TTLL9: variants seen among roughly 807,000 people sequenced by gnomAD.
TTLL9 encodes the protein probable tubulin polyglutamylase TTLL9.
In TTLL9, 47 loss-of-function variants were observed where a neutral mutation model predicts 65.6. The ratio of observed to expected loss-of-function variants is 0.72; its 90% CI spans 0.57 to 0.91. The LOEUF (loss-of-function observed/expected upper bound fraction) is 0.91, where lower values mean the gene tolerates loss of function less well. Ranked by LOEUF, TTLL9 falls within the 40% of genes least tolerant of loss-of-function variation. The probability of loss-of-function intolerance (pLI) is 0.00; values close to 1 mark genes in which losing one functional copy is unlikely to be tolerated. For synonymous variants in TTLL9, 179 were observed against 204.8 expected, an observed-to-expected ratio of 0.87 and a Z score of 1.07; for missense variants, 537 against 568.8, an observed-to-expected ratio of 0.94 and a Z score of 0.57.
chr20:31,923,262 G>T (rs1454091888), intron 8 of TTLL9, among the ~76,000 whole-genome samples: 45 of 152,238 alleles, frequency 3.0e-4, no homozygotes, highest in Non-Finnish European at 5.9e-5. Context: ...TCCCTTCTTG[G>T]TTCAGAAAAA....
chr20:31,916,958 C>G (rs1354506928), intron 6 of TTLL9, among the ~76,000 whole-genome samples: 1 of 152,088 alleles, frequency 6.6e-6, no homozygotes, highest in Non-Finnish European at 1.5e-5. Context: ...TCTAGCCTCC[C>G]TCATGAGAGG....
At chr20:31,921,938 G>A (rs375080854) in intron 7 of TTLL9, among the ~76,000 whole-genome samples, 93 of 151,274 alleles carry the variant, frequency 6.1e-4, no homozygotes, top group South Asian at 4.0e-3. Context: ...AAAACTGCAC[G>A]TTGTGCACAT....
chr20:31,896,517 A>G (rs2063391182), intron 3 of TTLL9, among the ~76,000 whole-genome samples: 1 of 151,614 alleles, frequency 6.6e-6, no homozygotes, highest in Admixed American at 6.6e-5. Context: ...GACTGATTAC[A>G]TTGTTTTTTT....
chr20:31,883,120 T>A (rs2063141387), intron 2 of TTLL9, among the ~76,000 whole-genome samples: 1 of 152,054 alleles, frequency 6.6e-6, no homozygotes, highest in Admixed American at 6.5e-5. Flanking sequence ...TAGAACCAAT[T>A]TACCCTTCAG....
chr20:31,924,674 C>T (rs2063867792), intron 8 of TTLL9, among the ~76,000 whole-genome samples: 1 of 152,122 alleles, frequency 6.6e-6, no homozygotes, highest in Non-Finnish European at 1.5e-5. Flanking sequence ...GCCTCCATCT[C>T]CTGGGCTCAA....
intron 7 of TTLL9, among the ~76,000 whole-genome samples, chr20:31,922,160 G>A (rs571671525): frequency 1.8e-4 from 27 of 151,932 alleles, no homozygotes; most frequent in Non-Finnish European, 2.9e-4. Context: ...AGCTACTTAG[G>A]AGGCTGAGGC....
intron 3 of TTLL9, among the ~76,000 whole-genome samples, chr20:31,898,260 A>G (rs1488715448): frequency 6.6e-6 from 1 of 152,190 alleles, no homozygotes; most frequent in Non-Finnish European, 1.5e-5. Context: ...GTAGGCTTGG[A>G]TACAATGATC....
intron 2 of TTLL9, among the ~76,000 whole-genome samples, chr20:31,885,050 T>A (rs959737818): frequency 4.3e-4 from 65 of 152,276 alleles, no homozygotes; most frequent in South Asian, 1.0e-3. Context: ...TAGAAAAAAA[T>A]TTTTAAAAGA....
chr20:31,882,913 CACACA>C (rs2063138936), intron 2 of TTLL9, among the ~76,000 whole-genome samples: 1 of 152,084 alleles, frequency 6.6e-6, no homozygotes, highest in Non-Finnish European at 1.5e-5. Context: ...CTAACACACA[CACACA>C]AAAAGGAAAA....
At chr20:31,874,029 C>A (rs2063004352) in intron 2 of TTLL9, among the ~76,000 whole-genome samples, 1 of 152,176 alleles carries the variant, frequency 6.6e-6, no homozygotes, top group Admixed American at 6.5e-5. Flanking sequence ...TGTGTTCCCA[C>A]TGAGTGCTAA....
At chr20:31,919,764 G>A in intron 6 of TTLL9, 100 bp from the exon 7 acceptor site, 1 of 988,094 alleles carries the variant, frequency 1.0e-6, no homozygotes, top group East Asian at 2.9e-5. Context: ...GGTTCATAAG[G>A]AAAAAGAGAC....
At chr20:31,938,040 C>T (rs1374874976) in intron 13 of TTLL9, 3 of 399,350 alleles carry the variant, frequency 7.5e-6, no homozygotes, top group Non-Finnish European at 1.5e-5. Flanking sequence ...CTTTCTCTCT[C>T]TCTGTTTCTC....
At chr20:31,937,656 G>A in intron 13 of TTLL9, 147 bp downstream of exon 13, 1 of 627,796 alleles carries the variant, frequency 1.6e-6, no homozygotes, top group Admixed American at 3.0e-5. Context: ...TGGAGAAGCT[G>A]AGATGTCCAC....
chr20:31,937,467 G>T lies in TTLL9; in HGVS notation c.1076G>T (p.Cys359Phe). 1 of 1,613,824 alleles carries T rather than the reference G, an allele frequency of 6.2e-7. No individual in the cohort carries two copies. Among genetic ancestry groups the T allele is most frequent in the Non-Finnish European group, 8.5e-7 (1 of 1,179,830 alleles). ...CAGGAAGACTATGAGCTCAAGACCT[G>T]CCTCCTGGAAGACACCCTGCATGTT... ...SSQEDYELKTCLLEDTLHVVD... is the reference protein window; with the variant it reads ...SSQEDYELKTFLLEDTLHVVD... The change falls in exon 13 of 15, where the codon TGC becomes TTC. Residue 359 changes from cysteine (C) to phenylalanine (F), a missense_variant. Cys to Phe is a radical substitution (Grantham distance 205). Around this residue, in one of 3 missense-constraint regions of TTLL9, gnomAD observed 205 missense variants for 225.9 expected, o/e 0.91. Coordinates refer to ENST00000535842, the MANE Select transcript of TTLL9 (RefSeq NM_001008409.5).
At chr20:31,880,667 A>G (rs1600518668) in intron 2 of TTLL9, among the ~76,000 whole-genome samples, 1 of 151,776 alleles carries the variant, frequency 6.6e-6, no homozygotes, top group East Asian at 1.9e-4. Flanking sequence ...TAATTTTTGT[A>G]TTTTTAGTAG....
chr20:31,933,902 C>T (rs747477470), intron 11 of TTLL9, 44 bp downstream of exon 11: 10 of 1,579,580 alleles, frequency 6.3e-6, no homozygotes, highest in South Asian at 3.5e-5. Flanking sequence ...AGCCCTCTGG[C>T]GCCAGGTCGG....
intron 2 of TTLL9, among the ~76,000 whole-genome samples, chr20:31,873,821 G>GAAGAAAGAAAGAAAGAAAGAGAAAGA (rs2062992398): frequency 1.0e-5 from 1 of 95,982 alleles, no homozygotes; most frequent in African/African-American, 4.0e-5. Context: ...AGGAAGGAAG[G>GAAGAAAGAAAGAAAGAAAGAGAAAGA]AAGAAAGAAA....
chr20:31,883,512 G>T (rs987723621), intron 2 of TTLL9, among the ~76,000 whole-genome samples: 1 of 152,054 alleles, frequency 6.6e-6, no homozygotes, highest in Non-Finnish European at 1.5e-5. Flanking sequence ...CTTAATCTTA[G>T]ATGAGTCCTC....
intron 3 of TTLL9, among the ~76,000 whole-genome samples, chr20:31,896,020 A>G (rs998589125): frequency 1.3e-5 from 2 of 151,628 alleles, no homozygotes; most frequent in Non-Finnish European, 2.9e-5. Flanking sequence ...TTGTATTTTT[A>G]GTAGAGATGG....
Sources: gnomAD v4.1 joint callset for allele counts (sites outside exome capture counted in the v4.1 genomes callset) on GRCh38, gnomAD v4.1.1 for gene constraint, gnomAD v4.1.1 regional missense constraint, MANE v1.5 for transcripts, NCBI Gene and HGNC (gene_info 2026-07-23, HGNC 2026-07-21) for gene names.